The following RNF111 variants were observed in gnomAD, a reference collection of about 807,000 sequenced individuals.
RNF111 encodes ring finger protein 111.
A neutral mutation model predicts 95.1 loss-of-function variants in RNF111; 17 were observed. The ratio of observed to expected loss-of-function variants is 0.18; its 90% confidence interval spans 0.12 to 0.27. The LOEUF (loss-of-function observed/expected upper bound fraction) is 0.27, where lower values mean the gene tolerates loss of function less well. Among genes scored for constraint, RNF111 ranks in the 10% least tolerant of loss-of-function variants. RNF111 has a pLI of 1.00. For missense variants in RNF111, 1,189 were observed against 1,210.4 expected (o/e 0.98, Z 0.26); for synonymous variants, 440 against 414.8 (o/e 1.06, Z -0.74).
chr15:59,016,653 C>G (rs2040081509), intron 1 of RNF111, among the ~76,000 whole-genome samples: 2 of 152,180 alleles, frequency 1.3e-5, no homozygotes, highest in African/African-American at 2.4e-5. Context: ...CTGCCTCTCA[C>G]AAGGATGTGC....
At position 59,096,561 on chromosome 15, in the gene RNF111, C is replaced by G. The variant is rs1426751464; in HGVS notation, c.*1661C>G. 6.5e-6 allele frequency: 1 copy of G among 152,718 alleles called. No homozygotes were observed. The highest frequency in any genetic ancestry group is 6.6e-5 in the Admixed American group (1 of 15,266). 9.5% of individuals were successfully genotyped at this position (152,718 alleles called of 1,614,324 possible). A position where few individuals can be genotyped will look rare whatever the true frequency, so the allele number is the denominator to read the frequency against. On this transcript the variant is annotated 3_prime_UTR_variant, in exon 14 of 14. Transcript: ENST00000348370. ...ATATTCATTCAGTTATGACTACTTG[C>G]CCTTTTCTTCATATTAGTAAATGTT... is the stretch of plus-strand genomic sequence containing the variant.
chr15:58,994,480 T>G (rs1217452545), intron 1 of RNF111, among the ~76,000 whole-genome samples: 1 of 139,408 alleles, frequency 7.2e-6, no homozygotes, highest in Non-Finnish European at 1.6e-5. Context: ...TCTCTTTTTT[T>G]TTTTTTTTTT....
Position 59,095,155 on chromosome 15 carries a change from A to G in RNF111, c.*255A>G. 9 of 372,392 alleles carry G rather than the reference A, an allele frequency of 2.4e-5. No homozygotes were observed. The South Asian group carries it at 2.4e-4, about 10-fold the overall frequency. The allele number at this position is 372,392 out of a possible 1,614,324, so 23.1% of individuals were successfully genotyped here. A position where few individuals can be genotyped will look rare whatever the true frequency, so the allele number is the denominator to read the frequency against. ...ACTGTATTTTTGCATGGTTCCTTGT[A>G]TTGCATTTCTTTGCACATATTATGG... is the stretch of plus-strand genomic sequence containing the variant. On this transcript the variant is annotated 3_prime_UTR_variant, in exon 14 of 14. Transcript: ENST00000348370.
intron 11 of RNF111, 66 bp downstream of exon 11, chr15:59,089,825 C>T: frequency 3.8e-6 from 4 of 1,061,848 alleles, no homozygotes; most frequent in Non-Finnish European, 5.8e-6. Flanking sequence ...TATATATATA[C>T]TACTATACAC....
At chr15:59,046,871 T>C (rs1459052139) in intron 2 of RNF111, among the ~76,000 whole-genome samples, 2 of 152,162 alleles carry the variant, frequency 1.3e-5, no homozygotes, top group African/African-American at 4.8e-5. Context: ...TTATTTTTTA[T>C]TATTATTATT....
At chr15:59,072,283 A>G (rs1465771364) in intron 6 of RNF111, among the ~76,000 whole-genome samples, 1 of 152,086 alleles carries the variant, frequency 6.6e-6, no homozygotes, top group African/African-American at 2.4e-5. Flanking sequence ...TTCATGAAAG[A>G]TTTCTCTGTA....
intron 1 of RNF111, among the ~76,000 whole-genome samples, chr15:58,998,344 C>T (rs748066877): frequency 5.3e-5 from 8 of 151,820 alleles, no homozygotes; most frequent in Non-Finnish European, 1.2e-4. Context: ...TATTTCACCA[C>T]CCAGGTATTA....
At chr15:59,089,036 C>G (rs923858585) in intron 10 of RNF111, among the ~76,000 whole-genome samples, 1 of 152,070 alleles carries the variant, frequency 6.6e-6, no homozygotes, top group African/African-American at 2.4e-5. Context: ...ACGGCAGAGC[C>G]CTGTTCTACC....
chr15:59,043,077 A>G (rs1342026296), intron 2 of RNF111, among the ~76,000 whole-genome samples: 1 of 152,078 alleles, frequency 6.6e-6, no homozygotes. Flanking sequence ...TCTTTTAAAA[A>G]TTATTGAGGT....
intron 8 of RNF111, 83 bp downstream of exon 8, chr15:59,081,367 A>G: frequency 8.4e-7 from 1 of 1,191,806 alleles, no homozygotes; most frequent in Non-Finnish European, 1.2e-6. Context: ...AAATCCAACT[A>G]GGCATGGTGG....
chr15:59,068,235 CA>C (rs1274737329), intron 6 of RNF111, among the ~76,000 whole-genome samples: 1 of 151,132 alleles, frequency 6.6e-6, no homozygotes, highest in Non-Finnish European at 1.5e-5. Flanking sequence ...ACAACAACAA[CA>C]ACAAAAAACA....
Position 59,092,782 on chromosome 15 carries a change from C to T in RNF111, c.2843+142C>T, listed in dbSNP as rs12910987. On this transcript the variant is annotated intron_variant, in intron 13 of 13. Transcript: ENST00000348370. ...GCCAAGGCCAGAGGCTCTCTTGAGG[C>T]CAGGAGTTTGAGGCCAACCTGGGCA... 187,436 of 745,740 alleles carry T rather than the reference C, an allele frequency of 0.25. 26,033 individuals carry two copies. The highest frequency in any genetic ancestry group is 0.41 in the East Asian group (13,228 of 32,650). The allele number at this position is 745,740 out of a possible 1,614,324, so 46.2% of individuals were successfully genotyped here. A position where few individuals can be genotyped will look rare whatever the true frequency, so the allele number is the denominator to read the frequency against.
intron 6 of RNF111, among the ~76,000 whole-genome samples, chr15:59,070,933 C>T (rs1179074933): frequency 6.6e-6 from 1 of 152,146 alleles, no homozygotes; most frequent in African/African-American, 2.4e-5. Flanking sequence ...AACATCAGAT[C>T]TTTATGATCT....
At chr15:59,064,052 AT>A (rs2142054517) in intron 5 of RNF111, among the ~76,000 whole-genome samples, 1 of 152,304 alleles carries the variant, frequency 6.6e-6, no homozygotes, top group Non-Finnish European at 1.5e-5. Flanking sequence ...TACTATACAT[AT>A]TATAATTTAT....
chr15:59,023,588 GT>G (rs2040454179), intron 1 of RNF111, among the ~76,000 whole-genome samples: 1 of 152,032 alleles, frequency 6.6e-6, no homozygotes, highest in Non-Finnish European at 1.5e-5. Flanking sequence ...GTTGCCAGTG[GT>G]TTTCTACTAT....
At chr15:58,992,315 G>C (rs2038855747) in intron 1 of RNF111, among the ~76,000 whole-genome samples, 1 of 152,150 alleles carries the variant, frequency 6.6e-6, no homozygotes, top group African/African-American at 2.4e-5. Flanking sequence ...AAAGTGCTGG[G>C]ATTACAGACG....
chr15:59,014,230 T>A lies in RNF111; in HGVS notation c.-19-16574T>A, dbSNP rs539292142. ...ATGCCCCTATTCTTTTGTGTGTTTC[T>A]TTACTTTCTGGCACTACCAGATGCT... is the stretch of plus-strand genomic sequence containing the variant. On this transcript the variant is annotated intron_variant, in intron 1 of 13. Transcript: ENST00000348370. 4.1e-4 allele frequency among the ~76,000 whole-genome samples: 63 copies of A among 152,348 alleles called. No homozygotes were observed. The South Asian group carries it at 0.012, about 29-fold the overall frequency.
intron 6 of RNF111, among the ~76,000 whole-genome samples, chr15:59,072,880 T>TAAAAA: frequency 7.1e-6 from 1 of 141,090 alleles, no homozygotes; most frequent in Non-Finnish European, 1.5e-5. Context: ...ATTTTTTTAT[T>TAAAAA]AAAAAAAAAA....
chr15:59,060,807 A>ATTTTTT lies in RNF111; in HGVS notation c.1366+2263_1366+2268dup, dbSNP rs201470570. Among the ~76,000 whole-genome samples the ATTTTTT allele has an allele frequency of 1.1e-3, 159 of 144,290 alleles. 2 individuals carry two copies. Among genetic ancestry groups the ATTTTTT allele is most frequent in the Admixed American group, 2.7e-3 (39 of 14,380 alleles). 94.7% of individuals were successfully genotyped at this position (144,290 alleles called of 152,430 possible). The stretch of plus-strand genomic sequence containing the variant: ...TAGCATTATTATTATTATTATTATT[A>ATTTTTT]TTTTTTTTTTTGTGAGACAGGTCTG... On this transcript the variant is annotated intron_variant, in intron 5 of 13. Transcript: ENST00000348370.
Sources: gnomAD v4.1 joint callset for allele counts (sites outside exome capture counted in the v4.1 genomes callset) on GRCh38, gnomAD v4.1.1 for gene constraint, MANE v1.5 for transcripts, NCBI Gene and HGNC (gene_info 2026-07-23, HGNC 2026-07-21) for gene names.